WDR70: variants seen among roughly 807,000 people sequenced by gnomAD.
WDR70 encodes WD repeat domain 70, also known as WD repeat-containing protein 70.
Under a neutral mutation model 88.6 loss-of-function variants are expected in WDR70, and 53 were observed. The observed-to-expected ratio is 0.60, with a 90% confidence interval of 0.48 to 0.75. The LOEUF (loss-of-function observed/expected upper bound fraction) is 0.75. Ranked by LOEUF, WDR70 falls within the 30% of genes least tolerant of loss-of-function variation. The probability of loss-of-function intolerance (pLI) is 0.00; values close to 1 mark genes in which losing one functional copy is unlikely to be tolerated. For synonymous variants in WDR70, 280 were observed against 270.0 expected (o/e 1.04, Z -0.36); for missense variants, 610 against 823.2 (o/e 0.74, Z 3.17).
At chr5:37,703,670 G>C (rs1293567073) in intron 13 of WDR70, among the ~76,000 whole-genome samples, 1 of 152,204 alleles carries the variant, frequency 6.6e-6, no homozygotes, top group African/African-American at 2.4e-5. Flanking sequence ...AGCATTCACT[G>C]ATGCATTCAT....
At chr5:37,481,293 C>T (rs1739660635) in intron 8 of WDR70, among the ~76,000 whole-genome samples, 1 of 152,296 alleles carries the variant, frequency 6.6e-6, no homozygotes, top group African/African-American at 2.4e-5. Flanking sequence ...CCCCATATTT[C>T]CCTTTGACAC....
chr5:37,452,358 C>T (rs201466590), intron 7 of WDR70, among the ~76,000 whole-genome samples: 13 of 151,998 alleles, frequency 8.6e-5, no homozygotes, highest in Non-Finnish European at 1.5e-4. Flanking sequence ...CTCCACCTTC[C>T]GGGTTCAAGC....
At chr5:37,497,608 A>G (rs1032127139) in intron 8 of WDR70, among the ~76,000 whole-genome samples, 1 of 151,974 alleles carries the variant, frequency 6.6e-6, no homozygotes, top group Admixed American at 6.6e-5. Context: ...GAGGGAGTAC[A>G]ATGAGCTATT....
intron 17 of WDR70, among the ~76,000 whole-genome samples, chr5:37,727,486 G>A (rs1394255574): frequency 6.6e-6 from 1 of 152,182 alleles, no homozygotes; most frequent in African/African-American, 2.4e-5. Context: ...AGACAGCTTA[G>A]CATGGATGAA....
chr5:37,454,829 C>CATGG (rs1447052511), intron 7 of WDR70, among the ~76,000 whole-genome samples: 2 of 152,250 alleles, frequency 1.3e-5, no homozygotes, highest in East Asian at 3.9e-4. Context: ...GGAATGTGAG[C>CATGG]ATGGATTCTG....
chr5:37,698,657 C>T (rs1747054223), intron 11 of WDR70, among the ~76,000 whole-genome samples: 1 of 152,156 alleles, frequency 6.6e-6, no homozygotes, highest in Admixed American at 6.5e-5. Context: ...AAACCTTAAA[C>T]ATCATAGACA....
At chr5:37,417,859 A>G (rs1029665826) in intron 5 of WDR70, among the ~76,000 whole-genome samples, 1 of 152,168 alleles carries the variant, frequency 6.6e-6, no homozygotes, top group African/African-American at 2.4e-5. Context: ...AGTTATTTTA[A>G]TGTCCAGGTA....
At chr5:37,455,243 C>CTTT (rs544303522) in intron 7 of WDR70, among the ~76,000 whole-genome samples, 29 of 123,022 alleles carry the variant, frequency 2.4e-4, no homozygotes, top group East Asian at 4.7e-4. Flanking sequence ...TTCTTTCTTT[C>CTTT]TTTTTTTTTT....
chr5:37,409,135 C>T (rs1187559453), intron 5 of WDR70, among the ~76,000 whole-genome samples: 1 of 152,046 alleles, frequency 6.6e-6, no homozygotes, highest in East Asian at 1.9e-4. Context: ...GATGGGGTTT[C>T]ACCATGTTGG....
At chr5:37,597,997 A>G (rs141101156) in intron 9 of WDR70, among the ~76,000 whole-genome samples, 2 of 152,336 alleles carry the variant, frequency 1.3e-5, no homozygotes, top group East Asian at 3.9e-4. Context: ...ATATGTATGT[A>G]GTGTGAGGTA....
intron 9 of WDR70, among the ~76,000 whole-genome samples, chr5:37,570,317 G>C (rs115694381): frequency 1.9e-3 from 295 of 152,242 alleles, no homozygotes; most frequent in African/African-American, 6.5e-3. Context: ...ATCACAGCAG[G>C]AGGGGGCTTT....
intron 10 of WDR70, among the ~76,000 whole-genome samples, chr5:37,656,136 CT>C (rs1388861028): frequency 2.6e-5 from 4 of 152,032 alleles, no homozygotes; most frequent in Non-Finnish European, 5.9e-5. Flanking sequence ...TGTGGACATC[CT>C]TTTTGTTGAT....
rs150444782 is a variant in WDR70, at chr5:37,648,856, C to A, written c.1092+43618C>A. ...ATTTTCTCTACCATTTTTTTACTTT[C>A]GTCTCTTTTAACATTCATTGATCCT... On this transcript the variant is annotated intron_variant, in intron 10 of 17. Coordinates refer to ENST00000265107, the MANE Select transcript of WDR70 (RefSeq NM_018034.4). Among the ~76,000 whole-genome samples, 14 of 152,208 alleles carry A rather than the reference C, an allele frequency of 9.2e-5. No homozygotes were observed. The East Asian group carries it at 2.7e-3, about 29-fold the overall frequency.
intron 9 of WDR70, among the ~76,000 whole-genome samples, chr5:37,592,943 CAA>C (rs1186493213): frequency 6.6e-6 from 1 of 152,174 alleles, no homozygotes; most frequent in Non-Finnish European, 1.5e-5. Flanking sequence ...TTGCTTGAGG[CAA>C]AGAGTTCCAG....
rs1442155170 is a variant in WDR70, at chr5:37,752,686, T to G, written c.*113T>G. 4.9e-6 allele frequency: 4 copies of G among 817,748 alleles called. No homozygotes were observed. Among genetic ancestry groups the G allele is most frequent in the Non-Finnish European group, 7.7e-6 (4 of 516,604 alleles). 50.7% of individuals were successfully genotyped at this position (817,748 alleles called of 1,614,324 possible). A position where few individuals can be genotyped will look rare whatever the true frequency, so the allele number is the denominator to read the frequency against. ...CATTTTTATGAACAGGTTTTGTCCTTTGCATTATTGAACTGGTCAAAAGTT... is the reference window on the plus strand; with the variant it reads ...CATTTTTATGAACAGGTTTTGTCCTGTGCATTATTGAACTGGTCAAAAGTT... On this transcript the variant is annotated 3_prime_UTR_variant, in exon 18 of 18. Transcript: ENST00000265107.
At chr5:37,577,788 T>A (rs1008256931) in intron 9 of WDR70, among the ~76,000 whole-genome samples, 6 of 152,178 alleles carry the variant, frequency 3.9e-5, no homozygotes, top group African/African-American at 1.2e-4. Context: ...ATTCTATTTT[T>A]GGCATGTTAA....
At chr5:37,722,459 A>G (rs796826641) in intron 14 of WDR70, 14 of 203,916 alleles carry the variant, frequency 6.9e-5, no homozygotes, top group African/African-American at 3.3e-4. Context: ...GACATATGCC[A>G]TTTGGGGTGT....
At chr5:37,672,399 T>C (rs1746052054) in intron 10 of WDR70, among the ~76,000 whole-genome samples, 1 of 152,116 alleles carries the variant, frequency 6.6e-6, no homozygotes, top group South Asian at 2.1e-4. Flanking sequence ...TGCATGTCCC[T>C]GGGAACGAAT....
intron 9 of WDR70, among the ~76,000 whole-genome samples, chr5:37,535,116 G>C (rs1187950495): frequency 1.3e-5 from 2 of 152,054 alleles, no homozygotes; most frequent in Admixed American, 1.3e-4. Flanking sequence ...AAATAAAATA[G>C]TTTCTCTAGT....
Sources: gnomAD v4.1 joint callset for allele counts (sites outside exome capture counted in the v4.1 genomes callset) on GRCh38, gnomAD v4.1.1 for gene constraint, MANE v1.5 for transcripts, NCBI Gene and HGNC (gene_info 2026-07-23, HGNC 2026-07-21) for gene names.